CSMD2: variants seen among roughly 807,000 people sequenced by gnomAD.
CSMD2 encodes CUB and sushi domain-containing protein 2.
Under a neutral mutation model 398.5 loss-of-function variants are expected in CSMD2, and 130 were observed. The ratio of observed to expected loss-of-function variants is 0.33; its 90% CI spans 0.28 to 0.38. CSMD2 has a LOEUF of 0.38. CSMD2 is among the 10% of genes least tolerant of loss of function. The pLI is 1.00. For synonymous variants in CSMD2, 1,828 were observed against 1,908.5 expected, an observed-to-expected ratio of 0.96 and a Z score of 1.10; for missense variants, 3,829 against 4,764.9, an observed-to-expected ratio of 0.80 and a Z score of 5.78.
At chr1:33,631,755 C>T (rs1052617729) in intron 32 of CSMD2, among the ~76,000 whole-genome samples, 13 of 152,052 alleles carry the variant, frequency 8.5e-5, no homozygotes, top group East Asian at 1.9e-4. Context: ...TTAATATAAA[C>T]GTGAGTTCAC....
rs868043580 is a variant in CSMD2, at chr1:33,676,980, C to T, written c.4053-13888G>A. Among the ~76,000 whole-genome samples, 30 of 152,062 alleles carry T rather than the reference C, an allele frequency of 2.0e-4. 1 individual carries two copies. The highest frequency in any genetic ancestry group is 1.0e-3 in the Admixed American group (16 of 15,266). ...TAATTCAAGATGGATTAAAGACTTA[C>T]ATGTTAGACCTAAAACCATAAAAAC... On this transcript the variant is annotated intron_variant, in intron 25 of 70. Transcript: ENST00000373381.
chr1:34,100,696 A>G (rs1381642388), intron 1 of CSMD2, among the ~76,000 whole-genome samples: 1 of 152,222 alleles, frequency 6.6e-6, no homozygotes, highest in Non-Finnish European at 1.5e-5. Flanking sequence ...GTATGGTTAT[A>G]CTAGAATTTA....
At chr1:34,137,663 A>T (rs1465898492) in intron 1 of CSMD2, among the ~76,000 whole-genome samples, 1 of 152,200 alleles carries the variant, frequency 6.6e-6, no homozygotes, top group Non-Finnish European at 1.5e-5. Flanking sequence ...ACCTGGCCCA[A>T]CCTGGCTAAA....
chr1:33,633,327 C>T lies in CSMD2; in HGVS notation c.5200+95G>A, dbSNP rs997133850. 1.1e-6 allele frequency: 1 copy of T among 892,284 alleles called. No individual in the cohort carries two copies. Among genetic ancestry groups the T allele is most frequent in the African/African-American group, 1.7e-5 (1 of 60,528 alleles). The allele number at this position is 892,284 out of a possible 1,614,324, so 55.3% of individuals were successfully genotyped here. A position where few individuals can be genotyped will look rare whatever the true frequency, so the allele number is the denominator to read the frequency against. ...GGCACGCAGAGCCGTAGGGTTCCAC[C>T]TGCGGCCATGGGGTGCTTCTAGAGC... is the stretch of plus-strand genomic sequence containing the variant. On this transcript the variant is annotated intron_variant, in intron 32 of 70. Coordinates refer to ENST00000373381, the MANE Select transcript of CSMD2 (RefSeq NM_001281956.2). The surrounding 1 kb of genome is among the most constrained non-coding windows in gnomAD (Gnocchi z 5.0).
intron 64 of CSMD2, among the ~76,000 whole-genome samples, chr1:33,529,552 A>G (rs1019042212): frequency 1.3e-5 from 2 of 152,244 alleles, no homozygotes; most frequent in African/African-American, 2.4e-5. Context: ...AGTCTTGCCA[A>G]CAAATGGTGC....
intron 51 of CSMD2, among the ~76,000 whole-genome samples, 197 bp downstream of exon 51, chr1:33,571,335 A>G (rs533833960): frequency 6.6e-6 from 1 of 152,328 alleles, no homozygotes; most frequent in African/African-American, 2.4e-5. Context: ...AGAAGATGCT[A>G]AGAAATACTT....
chr1:33,946,407 C>G (rs1338033010), intron 3 of CSMD2, among the ~76,000 whole-genome samples: 1 of 152,122 alleles, frequency 6.6e-6, no homozygotes, highest in Non-Finnish European at 1.5e-5. Context: ...AAATGTTTTT[C>G]TTGACAAACA....
At chr1:33,822,566 C>A (rs1004302389) in intron 7 of CSMD2, among the ~76,000 whole-genome samples, 8 of 152,162 alleles carry the variant, frequency 5.3e-5, no homozygotes, top group African/African-American at 1.9e-4. Flanking sequence ...TACGCCCATC[C>A]CCTTCCTTGC....
chr1:33,575,801 G>C (rs1205300105), intron 49 of CSMD2, among the ~76,000 whole-genome samples: 4 of 152,194 alleles, frequency 2.6e-5, no homozygotes, highest in African/African-American at 9.7e-5. Context: ...GGGTAGAGTA[G>C]ATTATTAATA....
chr1:34,003,101 C>T (rs1344528895), intron 3 of CSMD2, among the ~76,000 whole-genome samples: 1 of 152,156 alleles, frequency 6.6e-6, no homozygotes. Context: ...TCCAAGGGTA[C>T]TCTCCTGCCT....
chr1:34,077,302 A>G (rs1280992275), intron 2 of CSMD2, among the ~76,000 whole-genome samples: 2 of 150,626 alleles, frequency 1.3e-5, no homozygotes, highest in African/African-American at 2.4e-5. Context: ...CTAAAAATAC[A>G]AAAAATTAGC....
At chr1:33,942,083 A>C (rs977846245) in intron 3 of CSMD2, among the ~76,000 whole-genome samples, 9 of 152,156 alleles carry the variant, frequency 5.9e-5, no homozygotes, top group South Asian at 2.1e-4. Context: ...GAGAGACTTA[A>C]TGATCTTATT....
At chr1:34,005,788 C>T (rs1647036198) in intron 3 of CSMD2, among the ~76,000 whole-genome samples, 1 of 152,216 alleles carries the variant, frequency 6.6e-6, no homozygotes, top group South Asian at 2.1e-4. Context: ...CCTCTGATAC[C>T]TCAGATTTGT....
At chr1:33,923,675 TAC>T in intron 4 of CSMD2, among the ~76,000 whole-genome samples, 1 of 152,286 alleles carries the variant, frequency 6.6e-6, no homozygotes, top group South Asian at 2.1e-4. Context: ...TTTTGAAATA[TAC>T]ATTGTTGTTT....
intron 6 of CSMD2, among the ~76,000 whole-genome samples, chr1:33,838,038 G>A (rs1660484463): frequency 6.6e-6 from 1 of 152,226 alleles, no homozygotes; most frequent in Non-Finnish European, 1.5e-5. Context: ...AGAGGAGAGA[G>A]CAAAGGGAGG....
chr1:33,769,641 A>C (rs991723010), intron 13 of CSMD2, among the ~76,000 whole-genome samples: 1 of 152,198 alleles, frequency 6.6e-6, no homozygotes, highest in Non-Finnish European at 1.5e-5. Flanking sequence ...TGGAACATGA[A>C]GGAAGAGTGT....
intron 13 of CSMD2, among the ~76,000 whole-genome samples, chr1:33,771,423 AT>A (rs536590996): frequency 1.3e-5 from 2 of 150,584 alleles, no homozygotes; most frequent in African/African-American, 4.9e-5. Context: ...CATGCAATTT[AT>A]TTTTTTTTCA....
chr1:33,649,131 A>G (rs549556212), intron 28 of CSMD2, among the ~76,000 whole-genome samples: 7 of 152,306 alleles, frequency 4.6e-5, no homozygotes, highest in African/African-American at 1.7e-4. Context: ...TCTTAAGTAT[A>G]TATCTAACAA....
chr1:33,609,003 T>C (rs1284375802), intron 41 of CSMD2, among the ~76,000 whole-genome samples: 1 of 152,188 alleles, frequency 6.6e-6, no homozygotes, highest in Non-Finnish European at 1.5e-5. Flanking sequence ...ATCCGACGCG[T>C]CATGACCTGT....
Sources: gnomAD v4.1 joint callset for allele counts (sites outside exome capture counted in the v4.1 genomes callset) on GRCh38, gnomAD v4.1.1 for gene constraint, Gnocchi (gnomAD v3.1) non-coding constraint, MANE v1.5 for transcripts, NCBI Gene and HGNC (gene_info 2026-07-23, HGNC 2026-07-21) for gene names.